Variants in DNAH8 observed in about 807,000 individuals in gnomAD.
DNAH8 encodes the protein dynein axonemal heavy chain 8, also known as axonemal beta dynein heavy chain 8.
DNAH8 carries 382 observed loss-of-function variants against 562.1 expected under a neutral mutation model. The observed-to-expected ratio is 0.68, with a 90% CI of 0.63 to 0.74. DNAH8 has a LOEUF of 0.74. Ranked by LOEUF, DNAH8 falls within the 30% of genes least tolerant of loss-of-function variation. The pLI is 0.00. For synonymous variants in DNAH8, 1,881 were observed against 1,919.4 expected (o/e 0.98, Z 0.52); for missense variants, 5,203 against 5,620.4 (o/e 0.93, Z 2.37).
intron 59 of DNAH8, among the ~76,000 whole-genome samples, chr6:38,895,597 T>A (rs1314269955): frequency 6.6e-6 from 1 of 152,180 alleles, no homozygotes; most frequent in Non-Finnish European, 1.5e-5. Flanking sequence ...TCATAGATGA[T>A]AATGCCAGTT....
At chr6:38,824,239 T>G (rs947794253) in intron 28 of DNAH8, among the ~76,000 whole-genome samples, 2 of 152,210 alleles carry the variant, frequency 1.3e-5, no homozygotes, top group African/African-American at 4.8e-5. Flanking sequence ...CAGGGCAGAC[T>G]GCTAGTCTCA....
chr6:38,952,801 G>A (rs1301759005), intron 82 of DNAH8, among the ~76,000 whole-genome samples: 2 of 152,162 alleles, frequency 1.3e-5, no homozygotes, highest in Non-Finnish European at 2.9e-5. Context: ...AATGCAAAGA[G>A]CTCCCAGGTT....
In DNAH8 at chr6:38,981,028, A is replaced by AGTGTGTGTGT. The variant is rs368543739; in HGVS notation, c.12835-1293_12835-1284dup. 4.9e-3 allele frequency among the ~76,000 whole-genome samples: 710 copies of AGTGTGTGTGT among 145,698 alleles called. 8 individuals carry two copies. The highest frequency in any genetic ancestry group is 0.045 in the East Asian group (223 of 4,926). On this transcript the variant is annotated intron_variant, in intron 85 of 92. Coordinates refer to ENST00000327475, the MANE Select transcript of DNAH8 (RefSeq NM_001206927.2). ...GATTGGAATGGCTTGTGAAAACGGC[A>AGTGTGTGTGT]GTGTGTGTGTGTGTGTGTGTGTGTG...
intron 50 of DNAH8, 56 bp downstream of exon 50, chr6:38,872,838 ATT>A: frequency 6.2e-7 from 1 of 1,606,992 alleles, no homozygotes. Flanking sequence ...TTAACACAGT[ATT>A]TTTTTGATTT....
At chr6:38,838,468 G>A (rs550838954) in intron 33 of DNAH8, among the ~76,000 whole-genome samples, 3 of 146,556 alleles carry the variant, frequency 2.0e-5, no homozygotes, top group African/African-American at 7.6e-5. Context: ...GCGCAATCTC[G>A]GCTCACTGCA....
At position 38,823,259 on chromosome 6, in the gene DNAH8, C is replaced by T. The variant is rs569205416; in HGVS notation, c.3720+225C>T. 2.6e-5 allele frequency among the ~76,000 whole-genome samples: 4 copies of T among 152,326 alleles called. No homozygotes were observed. In the South Asian group the frequency reaches 6.2e-4, roughly 24 times the overall value. ...ACAGATTTTGTTCAATTTCCTTAAA[C>T]AATTGAGTACCAATTATGTGCCACC... On this transcript the variant is annotated intron_variant, in intron 27 of 92. Transcript: ENST00000327475.
At chr6:38,898,954 C>T (rs1202686619) in intron 61 of DNAH8, among the ~76,000 whole-genome samples, 1 of 152,100 alleles carries the variant, frequency 6.6e-6, no homozygotes, top group Admixed American at 6.5e-5. Flanking sequence ...ATTCTGAGTG[C>T]AAAGCCATAA....
rs550471453 is a variant in DNAH8 at position 38,938,577 on chromosome 6, C to G, written c.11817-221C>G. Among the ~76,000 whole-genome samples, 11 of 152,224 alleles carry G rather than the reference C, an allele frequency of 7.2e-5. No individual in the cohort carries two copies. In the East Asian group the frequency reaches 2.1e-3, roughly 29 times the overall value. On this transcript the variant is annotated intron_variant, in intron 78 of 92. Transcript: ENST00000327475. ...GACACATAGAGGAGAACAACAGACA[C>G]TGTGACCTGTCAGAGAGTGGAGGGT...
chr6:38,758,212 G>A (rs549614672), intron 10 of DNAH8, among the ~76,000 whole-genome samples: 3 of 152,152 alleles, frequency 2.0e-5, no homozygotes, highest in African/African-American at 7.2e-5. Flanking sequence ...CTTGAGCAGT[G>A]GTTTGTAGTT....
chr6:38,934,100 C>T (rs1331121557), intron 76 of DNAH8, among the ~76,000 whole-genome samples: 1 of 152,114 alleles, frequency 6.6e-6, no homozygotes, highest in Non-Finnish European at 1.5e-5. Flanking sequence ...CCCCTGTATT[C>T]CTAGCACTTT....
At chr6:38,933,123 A>G (rs548909683) in intron 76 of DNAH8, among the ~76,000 whole-genome samples, 139 of 152,254 alleles carry the variant, frequency 9.1e-4, no homozygotes, top group African/African-American at 3.3e-3. Flanking sequence ...GTTGACAGTT[A>G]GTCCCTTGTG....
Position 38,775,828 on chromosome 6 carries a change from G to T in DNAH8, c.1839G>T (p.Met613Ile). 6.2e-7 allele frequency: 1 copy of T among 1,600,564 alleles called. No homozygotes were observed. The highest frequency in any genetic ancestry group is 1.1e-5 in the South Asian group (1 of 90,730). ...SNSTIEGIDI[M>I]AIKFRNIYQG... ...CTACCATAGAAGGAATAGATATTAT[G>T]GCAATAAAATTCAGAAATATATACC... The change falls in exon 13 of 93, where the codon ATG (methionine) becomes ATT (isoleucine). Residue 613 changes from methionine (M) to isoleucine (I), a missense_variant. Physicochemically the swap from Met to Ile is conservative, Grantham distance 10. Coordinates refer to ENST00000327475, the MANE Select transcript of DNAH8 (RefSeq NM_001206927.2).
intron 31 of DNAH8, among the ~76,000 whole-genome samples, chr6:38,833,908 A>G (rs1214454411): frequency 1.3e-5 from 2 of 152,214 alleles, no homozygotes; most frequent in African/African-American, 4.8e-5. Flanking sequence ...AATATACTTA[A>G]TAGCCTTCAT....
chr6:39,024,661 T>A (rs377742706), intron 91 of DNAH8, among the ~76,000 whole-genome samples: 29 of 152,224 alleles, frequency 1.9e-4, no homozygotes, highest in African/African-American at 7.0e-4. Context: ...ACCCTGTCTC[T>A]AAAATAATAA....
rs772510922 is a variant in DNAH8 at position 38,990,062 on chromosome 6, A to G, written c.13104A>G (p.Gly4368=). The change falls in exon 88 of 93, where the codon GGA becomes GGG. Residue 4368 remains glycine (G), a synonymous_variant. Coordinates refer to ENST00000327475, the MANE Select transcript of DNAH8 (RefSeq NM_001206927.2). ...AACCGTCATTCTGCTTTTATACTGG[A>G]TATAAAATCCCCTTATGCAAAACCT... ...MFEPSFCFYT[G]YKIPLCKTLD... is the part of the protein sequence containing the mutation. The G allele has an allele frequency of 2.5e-6, 4 of 1,598,104 alleles. No homozygotes were observed. The highest frequency in any genetic ancestry group is 2.6e-6 in the Non-Finnish European group (3 of 1,165,452).
chr6:38,814,473 T>G (rs1772071488), intron 25 of DNAH8, among the ~76,000 whole-genome samples: 1 of 151,914 alleles, frequency 6.6e-6, no homozygotes, highest in African/African-American at 2.4e-5. Flanking sequence ...CCCAGCTACT[T>G]GGGAGGCTGA....
intron 21 of DNAH8, among the ~76,000 whole-genome samples, chr6:38,800,209 G>T (rs1042849196): frequency 6.6e-6 from 1 of 150,494 alleles, no homozygotes; most frequent in African/African-American, 2.4e-5. Context: ...GAACATAAGT[G>T]TCTATTTTTT....
At chr6:38,975,648 G>C (rs936856320) in intron 85 of DNAH8, among the ~76,000 whole-genome samples, 1 of 152,208 alleles carries the variant, frequency 6.6e-6, no homozygotes, top group Non-Finnish European at 1.5e-5. Flanking sequence ...ATGCTTTGCT[G>C]GTGGTTATCT....
At chr6:38,817,564 C>T (rs1255268047) in intron 26 of DNAH8, among the ~76,000 whole-genome samples, 1 of 152,186 alleles carries the variant, frequency 6.6e-6, no homozygotes, top group African/African-American at 2.4e-5. Context: ...TGAAAATGGA[C>T]TTCTGTTTCA....
Sources: gnomAD v4.1 joint callset for allele counts (sites outside exome capture counted in the v4.1 genomes callset) on GRCh38, gnomAD v4.1.1 for gene constraint, MANE v1.5 for transcripts, NCBI Gene and HGNC (gene_info 2026-07-23, HGNC 2026-07-21) for gene names.